Variants in NT5C1B observed in about 807,000 individuals in gnomAD.
NT5C1B encodes the protein cytosolic 5'-nucleotidase 1B.
In NT5C1B, 44 loss-of-function variants were observed where a neutral mutation model predicts 57.8. The ratio of observed to expected loss-of-function variants is 0.76; its 90% CI spans 0.60 to 0.98. The LOEUF is 0.98. Ranked by LOEUF, NT5C1B falls within the 50% of genes least tolerant of loss-of-function variation. The probability of loss-of-function intolerance (pLI) is 0.00; values close to 1 mark genes in which losing one functional copy is unlikely to be tolerated. For synonymous variants in NT5C1B, 284 were observed against 282.6 expected (o/e 1.00, Z -0.05); for missense variants, 742 against 719.5 (o/e 1.03, Z -0.36).
chr2:18,582,388 G>T (rs900193247), intron 6 of NT5C1B, among the ~76,000 whole-genome samples: 1 of 152,316 alleles, frequency 6.6e-6, no homozygotes, highest in South Asian at 2.1e-4. Flanking sequence ...ACACTGAAGA[G>T]ACTAGAATCA....
At chr2:18,572,712 G>A (rs115582680) in intron 8 of NT5C1B, among the ~76,000 whole-genome samples, 2 of 152,056 alleles carry the variant, frequency 1.3e-5, no homozygotes, top group Non-Finnish European at 2.9e-5. Context: ...TGTCATTAAA[G>A]AAATGAAGCC....
At chr2:18,569,019 A>G (rs1311906731) in intron 8 of NT5C1B, among the ~76,000 whole-genome samples, 1 of 152,200 alleles carries the variant, frequency 6.6e-6, no homozygotes, top group Non-Finnish European at 1.5e-5. Context: ...CCTGTTTCAG[A>G]TTTTTGAGGT....
chr2:18,563,686 A>G, exon 9 of NT5C1B: 3 of 1,252,818 alleles, frequency 2.4e-6, no homozygotes, highest in Non-Finnish European at 3.2e-6. Flanking sequence ...CCAAAGAAGC[A>G]AAGTTTTAAG....
intron 8 of NT5C1B, among the ~76,000 whole-genome samples, chr2:18,568,289 GGAGAAACAC>G (rs1664838275): frequency 6.6e-6 from 1 of 151,960 alleles, no homozygotes; most frequent in Admixed American, 6.6e-5. Context: ...TAAAGTGCTG[GGAGAAACAC>G]ACAGTAAACC....
In NT5C1B at chr2:18,583,087, T is replaced by C. The variant is rs887140998; in HGVS notation, c.892-90A>G. ...GAGGAAGCATCTCATCAGAGTCAAA[T>C]TCAAGCTCTGAAGAATCTTCACTGA... On this transcript the variant is annotated intron_variant, in intron 5 of 8. Transcript: ENST00000304081. The C allele has an allele frequency of 8.1e-6, 12 of 1,479,346 alleles. No homozygotes were observed. In the African/African-American group the frequency reaches 1.5e-4, roughly 19 times the overall value. 91.6% of individuals were successfully genotyped at this position (1,479,346 alleles called of 1,614,324 possible). A position where few individuals can be genotyped will look rare whatever the true frequency, so the allele number is the denominator to read the frequency against.
intron 6 of NT5C1B, among the ~76,000 whole-genome samples, chr2:18,578,307 GAC>G (rs1665886376): frequency 1.3e-5 from 2 of 151,890 alleles, no homozygotes; most frequent in Admixed American, 1.3e-4. Context: ...ACCTGGCAGA[GAC>G]ACAGAAAAAA....
At chr2:18,583,651 C>G in intron 5 of NT5C1B, 1 of 357,170 alleles carries the variant, frequency 2.8e-6, no homozygotes. Context: ...ACCTTACCTT[C>G]TCTATTAAAG....
At chr2:18,578,979 A>G (rs764974070) in intron 6 of NT5C1B, among the ~76,000 whole-genome samples, 41 of 152,194 alleles carry the variant, frequency 2.7e-4, no homozygotes, top group Middle Eastern at 3.2e-3. Flanking sequence ...AATCAGTAGC[A>G]TTTCTATATA....
exon 3 of NT5C1B, chr2:18,586,347 G>A (rs1484014029): frequency 6.2e-7 from 1 of 1,614,072 alleles, no homozygotes; most frequent in African/African-American, 1.3e-5. Context: ...TGCGCACAAG[G>A]TACCCTCGAG....
At position 18,576,865 on chromosome 2, in the gene NT5C1B, CCGGTCAGACAGAAG is replaced by C. The variant is rs770843761; in HGVS notation, c.1038_1051del (p.Phe347GlyfsTer22). ...CAAATAGCCAATGGGGTCTTTTCCC[CCGGTCAGACAGAAG>C]CGGTCAATCAGTAAGCCTATTATCA... On this transcript the variant is annotated frameshift_variant, in exon 7 of 9. Transcript: ENST00000304081. LOFTEE classifies it high-confidence loss of function. 6.2e-7 allele frequency: 1 copy of C among 1,613,792 alleles called. No individual in the cohort carries two copies.
chr2:18,583,467 AC>A, intron 5 of NT5C1B: 1 of 211,494 alleles, frequency 4.7e-6, no homozygotes, highest in South Asian at 7.9e-5. Flanking sequence ...CTGTCAGAGT[AC>A]TTTATGTATT....
chr2:18,586,601 G>A (rs1666732623), intron 2 of NT5C1B: 2 of 782,110 alleles, frequency 2.6e-6, no homozygotes, highest in Admixed American at 3.1e-5. Context: ...CTATGTGGGG[G>A]TCCACTTGAA....
At chr2:18,583,632 G>A (rs564398611) in intron 5 of NT5C1B, 1 of 354,366 alleles carries the variant, frequency 2.8e-6, no homozygotes, top group South Asian at 2.2e-5. Flanking sequence ...TTCAGTGTAA[G>A]TTCAGAGAAC....
In NT5C1B at chr2:18,584,671, C is replaced by G. The variant is rs986642301; in HGVS notation, c.566G>C (p.Arg189Pro). 6.2e-7 allele frequency: 1 copy of G among 1,612,222 alleles called. No homozygotes were observed. Among genetic ancestry groups the G allele is most frequent in the Non-Finnish European group, 8.5e-7 (1 of 1,179,060 alleles). ...GGTGGAGGCGGGGTAGATCCCCCTG[C>G]GCTGGCTGGAGGACTTCCACTCGGT... The change falls in exon 4 of 9, where the codon CGC becomes CCC. Residue 189 changes from arginine (R) to proline (P), a missense_variant. Transcript: ENST00000304081. The surrounding 1 kb of genome is among the most constrained non-coding windows in gnomAD (Gnocchi z 5.8).
chr2:18,589,520 G>C (rs754339801), exon 1 of NT5C1B: 2 of 1,613,170 alleles, frequency 1.2e-6, no homozygotes, highest in Non-Finnish European at 1.7e-6. Context: ...TGTCTCCCCA[G>C]CTCCATTTCC....
In NT5C1B at chr2:18,576,262, A is replaced by G. The variant is rs533157335; in HGVS notation, c.1251T>C (p.Ser417=). Residue 417 remains serine, a synonymous_variant, in exon 8 of 9, where the codon TCT becomes TCC. Transcript: ENST00000304081. ...GCCCATGCTCCTTGGTAAAATGTTC[A>G]GACTCATCAGAGAAGAGGACAGCAT... 70 of 1,613,858 alleles carry G rather than the reference A, an allele frequency of 4.3e-5. 4 individuals are homozygous for G. The South Asian group carries it at 7.5e-4, about 17-fold the overall frequency.
At chr2:18,582,572 T>A (rs1666272545) in intron 6 of NT5C1B, among the ~76,000 whole-genome samples, 1 of 152,188 alleles carries the variant, frequency 6.6e-6, no homozygotes, top group Non-Finnish European at 1.5e-5. Context: ...CTTCTTGAAG[T>A]CAAGTTCAGA....
intron 3 of NT5C1B, among the ~76,000 whole-genome samples, chr2:18,585,694 C>T (rs1239684003): frequency 6.6e-6 from 1 of 152,180 alleles, no homozygotes; most frequent in Non-Finnish European, 1.5e-5. Context: ...TTGTTTCACA[C>T]ATGACTCAAA....
chr2:18,586,620 C>A, intron 2 of NT5C1B: 1 of 673,008 alleles, frequency 1.5e-6, no homozygotes, highest in Non-Finnish European at 2.4e-6. Context: ...AAAGAGCATC[C>A]AAAACCAAGA....
Sources: gnomAD v4.1 joint callset for allele counts (sites outside exome capture counted in the v4.1 genomes callset) on GRCh38, gnomAD v4.1.1 for gene constraint, Gnocchi (gnomAD v3.1) non-coding constraint, MANE v1.5 for transcripts, NCBI Gene and HGNC (gene_info 2026-07-23, HGNC 2026-07-21) for gene names.